The following SGCD variants were observed in gnomAD, a reference collection of about 807,000 sequenced individuals.
SGCD encodes delta-sarcoglycan.
SGCD carries 18 observed loss-of-function variants against 36.6 expected under a neutral mutation model. The ratio of observed to expected loss-of-function variants is 0.49; its 90% CI spans 0.34 to 0.73. The LOEUF is 0.73. Among genes scored for constraint, SGCD ranks in the 30% least tolerant of loss-of-function variants. The pLI is 0.01. For synonymous variants in SGCD, 133 were observed against 130.6 expected (o/e 1.02, Z -0.12); for missense variants, 387 against 346.7 (o/e 1.12, Z -0.92).
At chr5:156,602,782 G>T (rs117021826) in intron 6 of SGCD, among the ~76,000 whole-genome samples, 3 of 152,092 alleles carry the variant, frequency 2.0e-5, no homozygotes, top group African/African-American at 4.8e-5. Context: ...TGCATTCCTG[G>T]TATGAATCCT....
upstream of SGCD, among the ~76,000 whole-genome samples, chr5:155,868,360 CTTTTTTTTTTT>C (rs10532701): frequency 3.6e-5 from 4 of 110,716 alleles, no homozygotes; most frequent in Admixed American, 2.9e-4. Flanking sequence ...CCCTTTTTTT[CTTTTTTTTTTT>C]TTTTTTTTTT....
At chr5:156,330,379 GA>G (rs770292786) in intron 2 of SGCD, among the ~76,000 whole-genome samples, 8 of 152,198 alleles carry the variant, frequency 5.3e-5, no homozygotes, top group Non-Finnish European at 8.8e-5. Context: ...GAGGTGGTCA[GA>G]AATCTTAGGT....
intron 1 of SGCD, among the ~76,000 whole-genome samples, chr5:155,977,596 C>A (rs1018149279): frequency 6.6e-6 from 1 of 152,174 alleles, no homozygotes; most frequent in South Asian, 2.1e-4. Flanking sequence ...CCCTTCGTGG[C>A]CTCCATGTGT....
intron 3 of SGCD, among the ~76,000 whole-genome samples, chr5:156,461,048 C>G (rs942758580): frequency 1.6e-4 from 25 of 152,124 alleles, no homozygotes; most frequent in African/African-American, 6.0e-4. Context: ...CCAGGGCATA[C>G]TTTAGAAGCT....
At chr5:155,921,305 AG>A (rs2113374855) in intron 1 of SGCD, among the ~76,000 whole-genome samples, 2 of 152,306 alleles carry the variant, frequency 1.3e-5, no homozygotes, top group East Asian at 3.9e-4. Flanking sequence ...AGATTTTGTT[AG>A]GTGAAGAAAA....
intron 3 of SGCD, among the ~76,000 whole-genome samples, chr5:156,505,805 C>T (rs767800993): frequency 6.7e-6 from 1 of 149,404 alleles, no homozygotes; most frequent in African/African-American, 2.5e-5. Context: ...ACACACACAC[C>T]CCTACCCCTG....
At chr5:156,406,790 T>TTTTATATATATATATA (rs1772432961) in intron 3 of SGCD, among the ~76,000 whole-genome samples, 2 of 75,662 alleles carry the variant, frequency 2.6e-5, no homozygotes, top group African/African-American at 1.0e-4. Context: ...ATAGGAGATT[T>TTTTATATATATATATA]TATATATATA....
chr5:156,307,041 C>CTTTTTTTT (rs71577193), intron 3 of SGCD, among the ~76,000 whole-genome samples: 2 of 124,526 alleles, frequency 1.6e-5, no homozygotes, highest in African/African-American at 3.0e-5. Flanking sequence ...TATAAGTTTT[C>CTTTTTTTT]TTTTTTTTTT....
Position 155,934,263 on chromosome 5 carries a change from A to G in SGCD, c.-282+63839A>G, listed in dbSNP as rs182976487. Among the ~76,000 whole-genome samples the G allele has an allele frequency of 7.7e-3, 1,180 of 152,352 alleles. 12 individuals carry two copies. Among genetic ancestry groups the G allele is most frequent in the Non-Finnish European group, 0.011 (746 of 68,024 alleles). On this transcript the variant is annotated intron_variant, in intron 1 of 9. Transcript: ENST00000517913. ...AGTATTTGACATCTGCATTTTTGAAAAGAAGTTGAGGATTTATTTTCCTTG... is the reference window on the plus strand; with the variant it reads ...AGTATTTGACATCTGCATTTTTGAAGAGAAGTTGAGGATTTATTTTCCTTG...
intron 3 of SGCD, among the ~76,000 whole-genome samples, chr5:156,275,070 TTAAAA>T (rs1766281829): frequency 1.3e-5 from 2 of 152,106 alleles, no homozygotes; most frequent in Non-Finnish European, 2.9e-5. Context: ...GACAACTAAT[TTAAAA>T]ATGTATAACT....
chr5:156,665,261 C>T (rs1276043112), intron 7 of SGCD, among the ~76,000 whole-genome samples: 2 of 151,900 alleles, frequency 1.3e-5, no homozygotes, highest in Non-Finnish European at 2.9e-5. Context: ...TCTGATGGCC[C>T]CATTAATTCT....
chr5:155,814,653 G>A, the SGCD span, among the ~76,000 whole-genome samples: 1 of 152,044 alleles, frequency 6.6e-6, no homozygotes, highest in Non-Finnish European at 1.5e-5. Flanking sequence ...CATGGAGACA[G>A]AGGATGAGCA....
At chr5:156,153,288 G>T (rs1223759106) in intron 3 of SGCD, among the ~76,000 whole-genome samples, 7 of 151,118 alleles carry the variant, frequency 4.6e-5, no homozygotes, top group Admixed American at 3.3e-4. Context: ...TAGGACTTTG[G>T]TTCTCTTGAT....
At chr5:156,049,020 T>C in intron 1 of SGCD, among the ~76,000 whole-genome samples, 1 of 147,192 alleles carries the variant, frequency 6.8e-6, no homozygotes, top group South Asian at 2.1e-4. Flanking sequence ...AAGGAAGGGA[T>C]CCAGTTTCAG....
chr5:156,095,645 C>G (rs188048421), intron 1 of SGCD, among the ~76,000 whole-genome samples: 3 of 152,076 alleles, frequency 2.0e-5, no homozygotes, highest in African/African-American at 7.2e-5. Flanking sequence ...GGCTGGATCC[C>G]TGGATTTCAG....
intron 6 of SGCD, among the ~76,000 whole-genome samples, chr5:156,608,426 T>C (rs1761595025): frequency 6.6e-6 from 1 of 152,236 alleles, no homozygotes; most frequent in South Asian, 2.1e-4. Flanking sequence ...TTATAATTTC[T>C]GTTCTTTTAC....
chr5:156,541,461 G>C (rs969909902), intron 4 of SGCD, among the ~76,000 whole-genome samples: 8 of 152,134 alleles, frequency 5.3e-5, no homozygotes, highest in African/African-American at 1.9e-4. Flanking sequence ...AAGGTGGAGA[G>C]TTGAGAAATA....
At chr5:155,938,123 G>T (rs750786405) in intron 1 of SGCD, among the ~76,000 whole-genome samples, 3 of 152,226 alleles carry the variant, frequency 2.0e-5, no homozygotes, top group African/African-American at 7.2e-5. Flanking sequence ...TTGTTGCCTT[G>T]TTGGCCCAGG....
chr5:156,588,732 C>T (rs1760595064), intron 4 of SGCD, among the ~76,000 whole-genome samples: 1 of 152,228 alleles, frequency 6.6e-6, no homozygotes, highest in African/African-American at 2.4e-5. Context: ...GCATTGCAAA[C>T]ATCTCTACAA....
Sources: gnomAD v4.1 joint callset for allele counts (sites outside exome capture counted in the v4.1 genomes callset) on GRCh38, gnomAD v4.1.1 for gene constraint, MANE v1.5 for transcripts, NCBI Gene and HGNC (gene_info 2026-07-23, HGNC 2026-07-21) for gene names.